The following LIN7A variants were observed in gnomAD, a reference collection of about 807,000 sequenced individuals.
LIN7A encodes the protein protein lin-7 homolog A.
In LIN7A, 25 loss-of-function variants were observed where a neutral mutation model predicts 29.8. The ratio of observed to expected loss-of-function variants is 0.84; its 90% confidence interval spans 0.61 to 1.17. The LOEUF (loss-of-function observed/expected upper bound fraction) is 1.17, where lower values mean the gene tolerates loss of function less well. LIN7A is among the 50% of genes most tolerant of loss of function. LIN7A has a pLI of 0.00. For missense variants in LIN7A, 239 were observed against 287.0 expected, an observed-to-expected ratio of 0.83 and a Z score of 1.21; for synonymous variants, 118 against 107.5, an observed-to-expected ratio of 1.10 and a Z score of -0.60.
At chr12:80,928,218 T>C (rs1877711425) in intron 1 of LIN7A, among the ~76,000 whole-genome samples, 1 of 152,234 alleles carries the variant, frequency 6.6e-6, no homozygotes. Flanking sequence ...TTTGGATATA[T>C]ACTCAGTAAT....
At chr12:80,802,531 G>A (rs896117777) in intron 5 of LIN7A, among the ~76,000 whole-genome samples, 7 of 151,958 alleles carry the variant, frequency 4.6e-5, no homozygotes, top group Non-Finnish European at 1.0e-4. Flanking sequence ...TAGTTTTTGA[G>A]GACCCTCCTC....
At chr12:80,921,753 C>T (rs1877321185) in intron 1 of LIN7A, among the ~76,000 whole-genome samples, 1 of 152,128 alleles carries the variant, frequency 6.6e-6, no homozygotes, top group Non-Finnish European at 1.5e-5. Context: ...AACATACACC[C>T]ATCTTAACAT....
intron 5 of LIN7A, among the ~76,000 whole-genome samples, chr12:80,802,013 C>T (rs1307350232): frequency 6.6e-6 from 1 of 151,748 alleles, no homozygotes; most frequent in African/African-American, 2.4e-5. Flanking sequence ...TCTTTTGCCT[C>T]AGCCTCCTGA....
intron 1 of LIN7A, among the ~76,000 whole-genome samples, chr12:80,916,503 G>C (rs1030896560): frequency 2.7e-4 from 41 of 152,076 alleles, no homozygotes; most frequent in Non-Finnish European, 5.7e-4. Context: ...CTCTGACTGG[G>C]CCATGCTTCT....
chr12:80,906,947 T>G (rs1876507530), intron 1 of LIN7A, among the ~76,000 whole-genome samples: 1 of 152,118 alleles, frequency 6.6e-6, no homozygotes, highest in Non-Finnish European at 1.5e-5. Flanking sequence ...CTGGCTCCAA[T>G]CTCAATTCAG....
chr12:80,915,602 G>A (rs1876992559), intron 1 of LIN7A, among the ~76,000 whole-genome samples: 1 of 152,182 alleles, frequency 6.6e-6, no homozygotes, highest in Non-Finnish European at 1.5e-5. Context: ...ATTCACAATA[G>A]CAGACACATG....
intron 4 of LIN7A, among the ~76,000 whole-genome samples, chr12:80,843,071 T>C (rs1306580313): frequency 6.6e-6 from 1 of 152,144 alleles, no homozygotes; most frequent in Admixed American, 6.5e-5. Context: ...AGCAAGAATA[T>C]GTCAGAAATG....
intron 2 of LIN7A, among the ~76,000 whole-genome samples, chr12:80,879,098 T>C (rs772678627): frequency 3.3e-5 from 5 of 152,234 alleles, no homozygotes; most frequent in Non-Finnish European, 7.3e-5. Context: ...TATCCATACA[T>C]GCTCAGCCTT....
intron 4 of LIN7A, 155 bp downstream of exon 4, chr12:80,845,575 C>A: frequency 1.9e-6 from 1 of 531,828 alleles, no homozygotes; most frequent in Non-Finnish European, 3.2e-6. Context: ...TAGATTGCAG[C>A]TTTTATAGGT....
intron 1 of LIN7A, among the ~76,000 whole-genome samples, chr12:80,893,285 G>A (rs1875721118): frequency 6.6e-6 from 1 of 152,160 alleles, no homozygotes; most frequent in Non-Finnish European, 1.5e-5. Context: ...GTTAGCAAAG[G>A]CTGCTCATTG....
At position 80,811,473 on chromosome 12, in the gene LIN7A, T is replaced by C. The variant is rs778046640; in HGVS notation, c.694A>G (p.Met232Val). ...AATAAGTCACTTCTCACCTATGACA[T>C]GTGGTTTTGTTGTGTTTGTTGCTGC... Reference protein sequence around the residue: ...QQQQQTQQNHMS With the variant: ...QQQQQTQQNHVS The change falls in exon 5 of 6, where the codon ATG (methionine) becomes GTG (valine). Residue 232 changes from methionine (M) to valine (V), a missense_variant. Physicochemically the swap from Met to Val is conservative, Grantham distance 21. Transcript: ENST00000552864. 6.2e-5 allele frequency: 81 copies of C among 1,309,780 alleles called. No individual in the cohort carries two copies. Among genetic ancestry groups the C allele is most frequent in the Non-Finnish European group, 8.5e-5 (79 of 925,668 alleles). 81.1% of individuals were successfully genotyped at this position (1,309,780 alleles called of 1,614,324 possible). A position where few individuals can be genotyped will look rare whatever the true frequency, so the allele number is the denominator to read the frequency against.
intron 4 of LIN7A, among the ~76,000 whole-genome samples, chr12:80,838,599 T>A (rs1806022275): frequency 6.6e-6 from 1 of 152,138 alleles, no homozygotes; most frequent in Non-Finnish European, 1.5e-5. Flanking sequence ...AGAATAAAAA[T>A]TTTCAGCACT....
chr12:80,936,464 T>G (rs972242797), intron 1 of LIN7A: 1 of 152,196 alleles, frequency 6.6e-6, no homozygotes, highest in Admixed American at 6.5e-5. Context: ...TCGTTCAGTT[T>G]AATCCTCTAG....
At chr12:80,819,655 G>A (rs1046784210) in intron 4 of LIN7A, among the ~76,000 whole-genome samples, 9 of 152,176 alleles carry the variant, frequency 5.9e-5, no homozygotes, top group African/African-American at 2.2e-4. Context: ...TCCCTCACCA[G>A]CTCTGTGAAC....
intron 1 of LIN7A, among the ~76,000 whole-genome samples, chr12:80,898,309 A>T (rs561612568): frequency 6.6e-6 from 1 of 152,086 alleles, no homozygotes; most frequent in Non-Finnish European, 1.5e-5. Context: ...TGGGCTCTCT[A>T]TTCTGTTCTA....
At chr12:80,926,461 G>A (rs1877586388) in intron 1 of LIN7A, among the ~76,000 whole-genome samples, 1 of 151,896 alleles carries the variant, frequency 6.6e-6, no homozygotes, top group Non-Finnish European at 1.5e-5. Context: ...ATTGATTTGT[G>A]CATATGAAAG....
intron 1 of LIN7A, among the ~76,000 whole-genome samples, chr12:80,922,679 T>G (rs975384272): frequency 6.6e-6 from 1 of 152,194 alleles, no homozygotes. Flanking sequence ...TCCCCCCTTA[T>G]CCTCAGTTTC....
intron 2 of LIN7A, among the ~76,000 whole-genome samples, chr12:80,879,059 C>A (rs1215727760): frequency 6.6e-6 from 1 of 152,220 alleles, no homozygotes; most frequent in Non-Finnish European, 1.5e-5. Context: ...ACCCCATTCA[C>A]ACAGTCTCAC....
intron 4 of LIN7A, among the ~76,000 whole-genome samples, chr12:80,838,782 G>A (rs1872688754): frequency 1.3e-5 from 2 of 152,128 alleles, no homozygotes; most frequent in East Asian, 1.9e-4. Flanking sequence ...TGTGTGCCAG[G>A]CCTATAGGGG....
Sources: gnomAD v4.1 joint callset for allele counts (sites outside exome capture counted in the v4.1 genomes callset) on GRCh38, gnomAD v4.1.1 for gene constraint, MANE v1.5 for transcripts, NCBI Gene and HGNC (gene_info 2026-07-23, HGNC 2026-07-21) for gene names.